The following PTPRD variants were observed in gnomAD, a reference collection of about 807,000 sequenced individuals.
PTPRD encodes the protein receptor-type tyrosine-protein phosphatase delta.
A neutral mutation model predicts 214.5 loss-of-function variants in PTPRD; 34 were observed. That is an observed-to-expected ratio of 0.16 (90% CI 0.12 to 0.21). PTPRD has a LOEUF of 0.21. Ranked by LOEUF, PTPRD falls within the 10% of genes least tolerant of loss-of-function variation. The pLI is 1.00. For synonymous variants in PTPRD, 1,128 were observed against 845.7 expected, an observed-to-expected ratio of 1.33 and a Z score of -5.79; for missense variants, 2,545 against 2,398.7, an observed-to-expected ratio of 1.06 and a Z score of -1.27.
chr9:10,377,279 C>T (rs1442417587), intron 2 of PTPRD, among the ~76,000 whole-genome samples: 1 of 151,670 alleles, frequency 6.6e-6, no homozygotes, highest in Non-Finnish European at 1.5e-5. Flanking sequence ...GTATAAGTAC[C>T]ACATTTTCTT....
At position 8,339,055 on chromosome 9, in the gene PTPRD, G is replaced by A. The variant is rs778175995; in HGVS notation, c.5254-8C>T. 6.2e-7 allele frequency: 1 copy of A among 1,609,304 alleles called. No homozygotes were observed. Among genetic ancestry groups the A allele is most frequent in the South Asian group, 1.1e-5 (1 of 90,674 alleles). ...GTATTGGTGACATTTCTCCTAAAAG[G>A]AGAGAAGATTAATGTTAAACTATGC... is the stretch of plus-strand genomic sequence containing the variant. On this transcript the variant is annotated splice_region_variant and splice_polypyrimidine_tract_variant and intron_variant, in intron 42 of 45. Transcript: ENST00000381196.
At chr9:9,136,012 TACAC>T (rs888015040) in intron 10 of PTPRD, among the ~76,000 whole-genome samples, 3 of 152,158 alleles carry the variant, frequency 2.0e-5, no homozygotes, top group African/African-American at 7.2e-5. Context: ...TTCATGCACA[TACAC>T]ACATGCACAC....
At chr9:8,437,366 C>T in intron 34 of PTPRD, 1 of 714,788 alleles carries the variant, frequency 1.4e-6, no homozygotes, top group Non-Finnish European at 2.2e-6. Context: ...ACAGAATTCA[C>T]TATACATTGT....
At chr9:8,570,208 G>GATATAAC (rs2090690528) in intron 14 of PTPRD, among the ~76,000 whole-genome samples, 1 of 152,006 alleles carries the variant, frequency 6.6e-6, no homozygotes, top group Non-Finnish European at 1.5e-5. Flanking sequence ...TATGTAAATT[G>GATATAAC]AGATTATTAA....
intron 39 of PTPRD, among the ~76,000 whole-genome samples, chr9:8,372,731 A>G (rs2081933020): frequency 6.6e-6 from 1 of 151,984 alleles, no homozygotes; most frequent in Non-Finnish European, 1.5e-5. Flanking sequence ...GCACTAGGCT[A>G]TCCCTAAAAT....
intron 10 of PTPRD, among the ~76,000 whole-genome samples, chr9:9,161,923 C>T (rs753159721): frequency 5.3e-5 from 8 of 151,888 alleles, no homozygotes; most frequent in Admixed American, 6.6e-5. Flanking sequence ...TGGGACTCAG[C>T]ACATTAATAT....
At chr9:9,951,909 C>T (rs1177397886) in intron 4 of PTPRD, among the ~76,000 whole-genome samples, 3 of 152,178 alleles carry the variant, frequency 2.0e-5, no homozygotes, top group African/African-American at 4.8e-5. Flanking sequence ...ATCATTTACT[C>T]ATGATCTTAA....
intron 8 of PTPRD, among the ~76,000 whole-genome samples, chr9:9,530,131 A>C (rs187660041): frequency 2.6e-5 from 4 of 152,254 alleles, no homozygotes; most frequent in Admixed American, 2.6e-4. Flanking sequence ...CAAAATTGGC[A>C]GAAGGAAAGA....
Position 9,168,926 on chromosome 9 carries a change from T to G in PTPRD, c.-143+14378A>C, listed in dbSNP as rs140263035. ...TTTTGTAGTGAAGTAGAATGAAAAT[T>G]AATGCTCTCCTGTCTCTGTATAATA... On this transcript the variant is annotated intron_variant, in intron 10 of 45. Transcript: ENST00000381196. Among the ~76,000 whole-genome samples the G allele has an allele frequency of 1.4e-3, 217 of 151,806 alleles. 1 individual carries two copies. The highest frequency in any genetic ancestry group is 5.0e-3 in the African/African-American group (207 of 41,536).
chr9:10,508,801 G>A (rs2046978284), intron 2 of PTPRD, among the ~76,000 whole-genome samples: 1 of 151,966 alleles, frequency 6.6e-6, no homozygotes, highest in African/African-American at 2.4e-5. Flanking sequence ...TCGTGGGGTG[G>A]GGGTAGAGGG....
At chr9:10,209,739 C>T (rs1283121978) in intron 3 of PTPRD, among the ~76,000 whole-genome samples, 5 of 151,776 alleles carry the variant, frequency 3.3e-5, no homozygotes, top group African/African-American at 4.8e-5. Context: ...GACAAAAGTC[C>T]TTTAAAGACA....
intron 4 of PTPRD, among the ~76,000 whole-genome samples, chr9:9,947,565 T>C (rs1341900406): frequency 2.7e-5 from 1 of 37,144 alleles, no homozygotes; most frequent in Non-Finnish European, 4.1e-5. Context: ...ATATATATTT[T>C]ATATATATAT....
chr9:9,114,617 G>A (rs895015294), intron 10 of PTPRD, among the ~76,000 whole-genome samples: 2 of 152,088 alleles, frequency 1.3e-5, no homozygotes, highest in East Asian at 1.9e-4. Context: ...TTATGGTCCT[G>A]AGGATAAAAG....
At chr9:8,796,854 G>A (rs1319511753) in intron 11 of PTPRD, among the ~76,000 whole-genome samples, 2 of 151,930 alleles carry the variant, frequency 1.3e-5, no homozygotes, top group Non-Finnish European at 2.9e-5. Flanking sequence ...ACATCGCCTA[G>A]AACTTGAAAG....
chr9:9,993,058 A>G lies in PTPRD; in HGVS notation c.-472+40660T>C, dbSNP rs1479395009. On this transcript the variant is annotated intron_variant, in intron 4 of 45. Coordinates refer to ENST00000381196, the MANE Select transcript of PTPRD (RefSeq NM_002839.4). The stretch of plus-strand genomic sequence containing the variant: ...GTTGTTGGTTAAATACATACTTTAG[A>G]AAATTTAAAAGTATCAACTAAAGCT... Among the ~76,000 whole-genome samples the G allele has an allele frequency of 3.8e-4, 58 of 152,212 alleles. 1 individual carries two copies. The highest frequency in any genetic ancestry group is 3.8e-3 in the Admixed American group (58 of 15,278).
At chr9:9,899,797 C>T (rs2075950455) in intron 5 of PTPRD, among the ~76,000 whole-genome samples, 1 of 151,898 alleles carries the variant, frequency 6.6e-6, no homozygotes. Context: ...ATAGAATCAA[C>T]TTAAGTGTCC....
intron 5 of PTPRD, among the ~76,000 whole-genome samples, chr9:9,775,954 C>CAAAAAAAAAAAA (rs59412193): frequency 3.5e-5 from 1 of 28,920 alleles, no homozygotes. Context: ...GACTCTGTCT[C>CAAAAAAAAAAAA]AAAAAAAAAA....
At chr9:9,678,150 A>C (rs1177483604) in intron 7 of PTPRD, among the ~76,000 whole-genome samples, 4 of 152,134 alleles carry the variant, frequency 2.6e-5, no homozygotes, top group African/African-American at 7.2e-5. Flanking sequence ...TGCCCAAGGT[A>C]ATTTATAGAT....
chr9:8,717,240 G>T (rs2098446630), intron 12 of PTPRD, among the ~76,000 whole-genome samples: 1 of 152,174 alleles, frequency 6.6e-6, no homozygotes, highest in Admixed American at 6.5e-5. Flanking sequence ...GTATCAATGT[G>T]CATTAGGTGT....
Sources: gnomAD v4.1 joint callset for allele counts (sites outside exome capture counted in the v4.1 genomes callset) on GRCh38, gnomAD v4.1.1 for gene constraint, MANE v1.5 for transcripts, NCBI Gene and HGNC (gene_info 2026-07-23, HGNC 2026-07-21) for gene names.